Variants in CLSTN1 observed in about 807,000 individuals in gnomAD.
CLSTN1 encodes the protein calsyntenin 1, also known as calsyntenin-1.
CLSTN1 carries 28 observed loss-of-function variants against 108.3 expected under a neutral mutation model. The observed-to-expected ratio is 0.26, with a 90% CI of 0.19 to 0.35. The LOEUF (loss-of-function observed/expected upper bound fraction) is 0.35. Among genes scored for constraint, CLSTN1 ranks in the 10% least tolerant of loss-of-function variants. The probability of loss-of-function intolerance (pLI) is 1.00; values close to 1 mark genes in which losing one functional copy is unlikely to be tolerated. For missense variants in CLSTN1, 1,157 were observed against 1,302.6 expected (o/e 0.89, Z 1.72); for synonymous variants, 524 against 534.9 (o/e 0.98, Z 0.28).
At position 9,744,522 on chromosome 1, in the gene CLSTN1, C is replaced by T; in HGVS notation, c.1107G>A (p.Gln369=). The change falls in exon 8 of 19, where the codon CAG becomes CAA. Residue 369 remains glutamine (Q), a synonymous_variant. Transcript: ENST00000377298. ...SDQVFEFNGT[Q]AVRIPDGVVS... ...CGACGCCATCCGGGATCCTCACTGC[C>T]TGGGTGCCGTTGAACTCAAACACCT... 1.9e-6 allele frequency: 3 copies of T among 1,613,588 alleles called. No homozygotes were observed. The highest frequency in any genetic ancestry group is 2.5e-6 in the Non-Finnish European group (3 of 1,180,002).
At chr1:9,769,153 A>AAGGG (rs1652541678) in intron 2 of CLSTN1, among the ~76,000 whole-genome samples, 1 of 131,442 alleles carries the variant, frequency 7.6e-6, no homozygotes, top group Non-Finnish European at 1.6e-5. Context: ...GGGAGGGAGG[A>AAGGG]AGGGAGGGAA....
chr1:9,801,591 G>C (rs995017049), intron 1 of CLSTN1, among the ~76,000 whole-genome samples: 1 of 152,152 alleles, frequency 6.6e-6, no homozygotes. Context: ...TTTCGCTCTT[G>C]TTGCCCAGGC....
At position 9,773,234 on chromosome 1, in the gene CLSTN1, C is replaced by T. The variant is rs376794747; in HGVS notation, c.214+38G>A. 717 of 1,612,234 alleles carry T rather than the reference C, an allele frequency of 4.4e-4. 3 individuals are homozygous for T. Among genetic ancestry groups the T allele is most frequent in the Middle Eastern group, 4.3e-3 (26 of 6,050 alleles). On this transcript the variant is annotated intron_variant, in intron 2 of 18. Transcript: ENST00000377298. Reference sequence around the variant, plus strand: ...ATGTGCAGAATGCTTCCTGACCAGGCCCGATTCATCAAGAGTCAATGAAAG... The same window carrying T: ...ATGTGCAGAATGCTTCCTGACCAGGTCCGATTCATCAAGAGTCAATGAAAG...
At chr1:9,754,981 T>C (rs1651741683) in intron 4 of CLSTN1, 133 bp downstream of exon 4, 3 of 655,880 alleles carry the variant, frequency 4.6e-6, no homozygotes, top group Non-Finnish European at 5.2e-6. Context: ...AATCTAATTG[T>C]AGACACTTGA....
rs538674386 is a variant in CLSTN1 at position 9,770,732 on chromosome 1, G to A, written c.214+2540C>T. Among the ~76,000 whole-genome samples, 18 of 152,312 alleles carry A rather than the reference G, an allele frequency of 1.2e-4. No individual in the cohort carries two copies. In the South Asian group the frequency reaches 3.5e-3, roughly 30 times the overall value. ...TTATTGGCTGGGTGTGGTGGCTCAC[G>A]CCTATAATCCCAGCACTTCGGGAGG... On this transcript the variant is annotated intron_variant, in intron 2 of 18. Transcript: ENST00000377298.
Position 9,749,546 on chromosome 1 carries a change from C to G in CLSTN1, c.900G>C (p.Gln300His), listed in dbSNP as rs186712596. Reference protein sequence around the residue: ...ETCDEPVASVQATVELETSHI... With the variant: ...ETCDEPVASVHATVELETSHI... ...GGCTGGTTTCTAGCTCCACTGTGGC[C>G]TGTACTGAGGCGACTGGCTCGTCAC... Residue 300 changes from glutamine to histidine, a missense_variant, in exon 7 of 19, where the codon CAG (glutamine) becomes CAC (histidine). Gln to His is a conservative substitution (Grantham distance 24). Coordinates refer to ENST00000377298, the MANE Select transcript of CLSTN1 (RefSeq NM_001009566.3). 80 of 1,614,188 alleles carry G rather than the reference C, an allele frequency of 5.0e-5. No individual in the cohort carries two copies. In the Admixed American group the frequency reaches 9.5e-4, roughly 19 times the overall value.
At chr1:9,806,372 G>A (rs1257680522) in intron 1 of CLSTN1, among the ~76,000 whole-genome samples, 3 of 152,160 alleles carry the variant, frequency 2.0e-5, no homozygotes, top group Non-Finnish European at 2.9e-5. Flanking sequence ...GAGCACAGGG[G>A]TCCTGAGACC....
intron 2 of CLSTN1, among the ~76,000 whole-genome samples, chr1:9,772,705 T>C (rs2101159935): frequency 6.6e-6 from 1 of 152,360 alleles, no homozygotes; most frequent in South Asian, 2.1e-4. Context: ...GGTTTGTCTC[T>C]ATAAAGACTG....
At chr1:9,750,277 T>A (rs1399822022) in intron 5 of CLSTN1, 1 of 189,138 alleles carries the variant, frequency 5.3e-6, no homozygotes, top group Non-Finnish European at 1.1e-5. Flanking sequence ...AAACATTTAC[T>A]ATATTAAAAG....
At chr1:9,815,447 G>A (rs1557728274) in intron 1 of CLSTN1, among the ~76,000 whole-genome samples, 1 of 152,184 alleles carries the variant, frequency 6.6e-6, no homozygotes, top group Non-Finnish European at 1.5e-5. Flanking sequence ...AGAGACAATG[G>A]CAAAGGAAGG....
intron 7 of CLSTN1, among the ~76,000 whole-genome samples, chr1:9,746,288 C>G (rs1651264572): frequency 6.6e-6 from 1 of 152,140 alleles, no homozygotes; most frequent in Non-Finnish European, 1.5e-5. Flanking sequence ...TTGCCATGTT[C>G]AAATTAAAAA....
chr1:9,811,616 C>G (rs1570523240), intron 1 of CLSTN1, among the ~76,000 whole-genome samples: 1 of 151,930 alleles, frequency 6.6e-6, no homozygotes. Context: ...TCCCCACCCC[C>G]ACTGTTCCTT....
At chr1:9,788,432 A>G (rs921464068) in intron 1 of CLSTN1, among the ~76,000 whole-genome samples, 1 of 151,038 alleles carries the variant, frequency 6.6e-6, no homozygotes, top group African/African-American at 2.4e-5. Flanking sequence ...TTAGCTGGGC[A>G]TGGTAGTCCA....
At chr1:9,763,499 C>G (rs1652183802) in intron 2 of CLSTN1, among the ~76,000 whole-genome samples, 1 of 152,160 alleles carries the variant, frequency 6.6e-6, no homozygotes, top group Non-Finnish European at 1.5e-5. Flanking sequence ...CCAACACAGA[C>G]AGTCTGCAGA....
At chr1:9,772,098 T>C (rs1448244480) in intron 2 of CLSTN1, among the ~76,000 whole-genome samples, 1 of 140,402 alleles carries the variant, frequency 7.1e-6, no homozygotes, top group Admixed American at 7.3e-5. Flanking sequence ...TGCCTCTGCC[T>C]CCGGAGTACC....
intron 1 of CLSTN1, among the ~76,000 whole-genome samples, chr1:9,820,322 C>A (rs183483236): frequency 6.6e-6 from 1 of 152,096 alleles, no homozygotes; most frequent in Non-Finnish European, 1.5e-5. Context: ...AAGTTCAGAC[C>A]AGCCTGGCCA....
At chr1:9,736,520 C>T (rs1419187473) in intron 11 of CLSTN1, among the ~76,000 whole-genome samples, 3 of 152,156 alleles carry the variant, frequency 2.0e-5, no homozygotes, top group Admixed American at 6.5e-5. Context: ...CTGCATGGAA[C>T]GGCCTATTTC....
intron 1 of CLSTN1, among the ~76,000 whole-genome samples, chr1:9,813,053 T>C (rs1295190860): frequency 6.6e-6 from 1 of 151,958 alleles, no homozygotes; most frequent in East Asian, 1.9e-4. Context: ...TAATCCCAGC[T>C]ACTCAGGAGG....
In CLSTN1 at chr1:9,754,341, G is replaced by A. The variant is rs146926212; in HGVS notation, c.440+773C>T. 4.3e-3 allele frequency among the ~76,000 whole-genome samples: 655 copies of A among 151,706 alleles called. 11 individuals carry two copies. Among genetic ancestry groups the A allele is most frequent in the East Asian group, 0.043 (218 of 5,118 alleles). ...CTTTGGGAGGCCGAGGCAGGTGAAT[G>A]ATGGGGTCAGGAGTTTGATACCAGC... On this transcript the variant is annotated intron_variant, in intron 4 of 18. Transcript: ENST00000377298.
Sources: allele counts gnomAD v4.1 joint callset (sites outside exome capture counted in the v4.1 genomes callset), GRCh38; gene constraint gnomAD v4.1.1; transcripts MANE v1.5; gene names NCBI Gene and HGNC (gene_info 2026-07-23, HGNC 2026-07-21).